GABRA5: variants seen among roughly 807,000 people sequenced by gnomAD.
GABRA5 encodes the protein gamma-aminobutyric acid type A receptor subunit alpha5.
A neutral mutation model predicts 47.3 loss-of-function variants in GABRA5; 18 were observed. That is an observed-to-expected ratio of 0.38 (90% confidence interval 0.26 to 0.56). The LOEUF (loss-of-function observed/expected upper bound fraction) is 0.56, where lower values mean the gene tolerates loss of function less well. Among genes scored for constraint, GABRA5 ranks in the 20% least tolerant of loss-of-function variants. The probability of loss-of-function intolerance (pLI) is 0.71; values close to 1 mark genes in which losing one functional copy is unlikely to be tolerated. For synonymous variants in GABRA5, 237 were observed against 229.3 expected, an observed-to-expected ratio of 1.03 and a Z score of -0.30; for missense variants, 365 against 599.3, an observed-to-expected ratio of 0.61 and a Z score of 4.08.
chr15:26,888,064 A>G (rs776475343), intron 6 of GABRA5, among the ~76,000 whole-genome samples: 4 of 152,178 alleles, frequency 2.6e-5, no homozygotes, highest in Non-Finnish European at 5.9e-5. Flanking sequence ...GTGAGCTGGC[A>G]TTCTTTACAT....
chr15:26,900,154 A>C (rs1468688751), intron 6 of GABRA5, among the ~76,000 whole-genome samples: 1 of 152,154 alleles, frequency 6.6e-6, no homozygotes, highest in African/African-American at 2.4e-5. Context: ...CATATATAAA[A>C]AACTTTGCTC....
Position 26,883,532 on chromosome 15 carries a change from G to T in GABRA5, c.472G>T (p.Asp158Tyr). ...CAACAAGCTGCTGCGGCTGGAGGAC[G>T]ACGGCACCCTGCTCTACACCATGCG... Reference protein sequence around the residue: ...TPNKLLRLEDDGTLLYTMRLT... With the variant: ...TPNKLLRLEDYGTLLYTMRLT... Residue 158 changes from aspartate to tyrosine, a missense_variant, in exon 6 of 11, where the codon GAC becomes TAC. By Grantham distance (160) the Asp-to-Tyr change is radical. Transcript: ENST00000335625. The surrounding 1 kb of genome is among the most constrained non-coding windows in gnomAD (Gnocchi z 4.8). 2 of 1,611,826 alleles carry T rather than the reference G, an allele frequency of 1.2e-6. No homozygotes were observed. Among genetic ancestry groups the T allele is most frequent in the Non-Finnish European group, 1.7e-6 (2 of 1,179,092 alleles).
chr15:26,940,689 C>T (rs1257396111), intron 9 of GABRA5, among the ~76,000 whole-genome samples: 3 of 152,140 alleles, frequency 2.0e-5, no homozygotes, highest in African/African-American at 7.2e-5. Context: ...AAATTAACCA[C>T]CAAATAACAA....
intron 6 of GABRA5, among the ~76,000 whole-genome samples, chr15:26,890,496 A>T (rs1339366709): frequency 2.1e-5 from 3 of 141,260 alleles, no homozygotes; most frequent in African/African-American, 8.4e-5. Flanking sequence ...ACTTGAATTG[A>T]GCCTTGTTCC....
Position 26,869,225 on chromosome 15 carries a change from C to T in GABRA5, c.-24C>T, listed in dbSNP as rs766280707. ...AGAGTTATTCCTCCATATTCACCTG[C>T]TTCAACTACTATTCTTATTGGGAAT... On this transcript the variant is annotated 5_prime_UTR_variant, in exon 3 of 11. Coordinates refer to ENST00000335625, the MANE Select transcript of GABRA5 (RefSeq NM_000810.4). 2 of 1,399,944 alleles carry T rather than the reference C, an allele frequency of 1.4e-6. No individual in the cohort carries two copies. The highest frequency in any genetic ancestry group is 2.0e-6 in the Non-Finnish European group (2 of 984,618). 86.7% of individuals were successfully genotyped at this position (1,399,944 alleles called of 1,614,324 possible).
chr15:26,947,924 T>A lies in GABRA5; in HGVS notation c.1090-10T>A. ...ATGGCGTGTCCTTACATTCGTATTA[T>A]ATTTTGCAGAAAAAGCGTGAAGTCA... On this transcript the variant is annotated splice_polypyrimidine_tract_variant and intron_variant, in intron 10 of 10. Coordinates refer to ENST00000335625, the MANE Select transcript of GABRA5 (RefSeq NM_000810.4). 6.4e-7 allele frequency: 1 copy of A among 1,561,548 alleles called. No individual in the cohort carries two copies.
At chr15:26,881,735 T>G (rs1468681807) in intron 4 of GABRA5, among the ~76,000 whole-genome samples, 1 of 152,232 alleles carries the variant, frequency 6.6e-6, no homozygotes, top group African/African-American at 2.4e-5. Context: ...GTTTCGCTCC[T>G]GTTGCCCAGG....
intron 3 of GABRA5, among the ~76,000 whole-genome samples, chr15:26,870,991 C>T (rs111866589): frequency 0.28 from 42,997 of 151,956 alleles, 6,128 homozygotes; most frequent in Non-Finnish European, 0.3. Context: ...GTCAGGAGTT[C>T]GAGATCAGCC....
At chr15:26,876,311 A>T (rs1001330492) in intron 3 of GABRA5, among the ~76,000 whole-genome samples, 5 of 152,162 alleles carry the variant, frequency 3.3e-5, no homozygotes, top group Non-Finnish European at 7.3e-5. Context: ...TTTGGGAGGC[A>T]TTTAAGCCAC....
intron 6 of GABRA5, among the ~76,000 whole-genome samples, chr15:26,892,717 G>T (rs1361036004): frequency 6.6e-6 from 1 of 152,232 alleles, no homozygotes; most frequent in African/African-American, 2.4e-5. Flanking sequence ...TAAGGTCCGA[G>T]CAGAGGGGCT....
chr15:26,882,494 G>A (rs886247481), intron 4 of GABRA5, among the ~76,000 whole-genome samples: 3 of 152,330 alleles, frequency 2.0e-5, no homozygotes, highest in Non-Finnish European at 4.4e-5. Context: ...GACTTACAGG[G>A]CTGTGGTAGT....
At position 26,867,218 on chromosome 15, in the gene GABRA5, C is replaced by G. The variant is rs1169743845; in HGVS notation, c.-140+107C>G. On this transcript the variant is annotated intron_variant, in intron 1 of 10. Transcript: ENST00000335625. This position sits in a 1 kb window ranked among gnomAD's most constrained non-coding sequence, Gnocchi z 5.9. ...GAGCTGCAGGGCGGCGGCGGGAGCG[C>G]GGGGCGCAAGAGCCGCTCCGCCGGG... 6.6e-6 allele frequency: 1 copy of G among 150,462 alleles called. No homozygotes were observed. Among genetic ancestry groups the G allele is most frequent in the Admixed American group, 6.6e-5 (1 of 15,048 alleles). The allele number at this position is 150,462 out of a possible 1,614,324, so 9.3% of individuals were successfully genotyped here. A position where few individuals can be genotyped will look rare whatever the true frequency, so the allele number is the denominator to read the frequency against.
chr15:26,900,955 C>A (rs1234488007), intron 6 of GABRA5, among the ~76,000 whole-genome samples: 1 of 151,996 alleles, frequency 6.6e-6, no homozygotes, highest in East Asian at 1.9e-4. Flanking sequence ...AGAATCATAC[C>A]GTGTGTCATA....
intron 6 of GABRA5, among the ~76,000 whole-genome samples, chr15:26,907,778 C>A (rs1893480935): frequency 6.6e-6 from 1 of 152,176 alleles, no homozygotes; most frequent in South Asian, 2.1e-4. Context: ...ATATAGTTGA[C>A]TGAGCTTCAG....
rs796084162 is a variant in GABRA5 at position 26,884,196 on chromosome 15, G to GA, written c.497+649dup. On this transcript the variant is annotated intron_variant, in intron 6 of 10. Transcript: ENST00000335625. Reference sequence around the variant, plus strand: ...AGAGTGAGATTCTGTCTCGAAAAAAGAAAAAAAAAAGAAGGGAATTTTTTA... The same window carrying GA: ...AGAGTGAGATTCTGTCTCGAAAAAAGAAAAAAAAAAAGAAGGGAATTTTTTA... 5.0e-3 allele frequency among the ~76,000 whole-genome samples: 716 copies of GA among 143,892 alleles called. 4 individuals are homozygous for GA. Among genetic ancestry groups the GA allele is most frequent in the African/African-American group, 0.017 (651 of 39,104 alleles). 94.4% of individuals were successfully genotyped at this position (143,892 alleles called of 152,430 possible).
chr15:26,875,454 A>G (rs1892573102), intron 3 of GABRA5, among the ~76,000 whole-genome samples: 2 of 152,216 alleles, frequency 1.3e-5, no homozygotes, highest in South Asian at 4.1e-4. Context: ...TCTGGTGTGC[A>G]TGGAATAAGT....
chr15:26,948,011 G>T lies in GABRA5; in HGVS notation c.1167G>T (p.Pro389=), dbSNP rs776414656. ...TGKMSHPPNI[P]KEQTPAGTSN... ...AGATGTCTCACCCCCCAAACATTCCGAAGGAACAGACCCCAGCAGGGACGT... is the reference window on the plus strand; with the variant it reads ...AGATGTCTCACCCCCCAAACATTCCTAAGGAACAGACCCCAGCAGGGACGT... Residue 389 remains proline (P), a synonymous_variant, in exon 11 of 11, where the codon CCG becomes CCT. Transcript: ENST00000335625. The T allele has an allele frequency of 7.5e-6, 12 of 1,602,118 alleles. No homozygotes were observed. Among genetic ancestry groups the T allele is most frequent in the South Asian group, 2.3e-5 (2 of 88,764 alleles).
At chr15:26,941,554 G>A (rs1394674553) in intron 9 of GABRA5, among the ~76,000 whole-genome samples, 1 of 152,206 alleles carries the variant, frequency 6.6e-6, no homozygotes, top group African/African-American at 2.4e-5. Flanking sequence ...TGAAGCCCCA[G>A]CCATACTACG....
chr15:26,887,601 A>G (rs916075704), intron 6 of GABRA5, among the ~76,000 whole-genome samples: 4 of 151,980 alleles, frequency 2.6e-5, no homozygotes, highest in Admixed American at 2.0e-4. Flanking sequence ...CTCCACCCAC[A>G]TCGGCCTCCC....
Sources: gnomAD v4.1 joint callset for allele counts (sites outside exome capture counted in the v4.1 genomes callset) on GRCh38, gnomAD v4.1.1 for gene constraint, Gnocchi (gnomAD v3.1) non-coding constraint, MANE v1.5 for transcripts, NCBI Gene and HGNC (gene_info 2026-07-23, HGNC 2026-07-21) for gene names.